SRGAP2C: variants seen among roughly 807,000 people sequenced by gnomAD.
The protein encoded by SRGAP2C is SLIT-ROBO Rho GTPase activating protein 2C.
SRGAP2C carries 15 observed loss-of-function variants against 25.1 expected under a neutral mutation model. That is an observed-to-expected ratio of 0.60 (90% CI 0.40 to 0.92). SRGAP2C has a LOEUF of 0.92. Ranked by LOEUF, SRGAP2C falls within the 40% of genes least tolerant of loss-of-function variation. SRGAP2C has a pLI of 0.00. For synonymous variants in SRGAP2C, 44 were observed against 96.6 expected (o/e 0.46, Z 3.19); for missense variants, 144 against 264.4 (o/e 0.54, Z 3.16).
intron 4 of SRGAP2C, among the ~76,000 whole-genome samples, chr1:121,328,999 G>A (rs1381007728): frequency 3.7e-5 from 5 of 135,066 alleles, no homozygotes; most frequent in Admixed American, 7.6e-5. Context: ...ATCACCTGAG[G>A]TCAGGAGTTC....
chr1:121,211,446 C>G (rs1380767396), intron 2 of SRGAP2C, among the ~76,000 whole-genome samples: 1 of 145,474 alleles, frequency 6.9e-6, no homozygotes, highest in East Asian at 2.2e-4. Context: ...CACACACACA[C>G]ACACACACAC....
At chr1:121,249,566 ATATATATATATATATTTTTT>A (rs1369438372) in intron 2 of SRGAP2C, among the ~76,000 whole-genome samples, 20 of 33,212 alleles carry the variant, frequency 6.0e-4, no homozygotes, top group African/African-American at 2.5e-3. Context: ...ATATATATAT[ATATATATATATATATTTTTT>A]TTTTTTTTTT....
At chr1:121,218,640 G>A (rs1415573826) in intron 2 of SRGAP2C, among the ~76,000 whole-genome samples, 21 of 149,644 alleles carry the variant, frequency 1.4e-4, no homozygotes, top group African/African-American at 3.6e-4. Context: ...CCAGCTACTC[G>A]GGAGGCTAAG....
intron 4 of SRGAP2C, among the ~76,000 whole-genome samples, chr1:121,335,538 C>T (rs1658496993): frequency 2.1e-5 from 3 of 140,228 alleles, no homozygotes; most frequent in South Asian, 2.4e-4. Flanking sequence ...CATAGCTCAC[C>T]GTACCCTCAG....
chr1:121,383,374 T>G (rs1192458984), intron 8 of SRGAP2C, among the ~76,000 whole-genome samples: 1 of 151,676 alleles, frequency 6.6e-6, no homozygotes, highest in African/African-American at 2.4e-5. Context: ...CCTAGAGGCT[T>G]TAGTGGGGAA....
intron 3 of SRGAP2C, among the ~76,000 whole-genome samples, chr1:121,294,516 C>T (rs1553338089): frequency 2.2e-5 from 3 of 134,238 alleles, no homozygotes; most frequent in Non-Finnish European, 4.8e-5. Flanking sequence ...TGTTGCTGAG[C>T]CTTTGATTGT....
chr1:121,335,263 C>T (rs1273532555), intron 4 of SRGAP2C, among the ~76,000 whole-genome samples: 2 of 149,052 alleles, frequency 1.3e-5, no homozygotes, highest in East Asian at 2.0e-4. Context: ...ATCACTTGAA[C>T]CCGGAAGGTG....
At chr1:121,300,147 C>G (rs1434549804) in intron 3 of SRGAP2C, among the ~76,000 whole-genome samples, 19 of 138,066 alleles carry the variant, frequency 1.4e-4, no homozygotes, top group Non-Finnish European at 6.2e-5. Context: ...CATGTGCATA[C>G]AAATACACAG....
chr1:121,314,647 C>G (rs1553340386), intron 3 of SRGAP2C, among the ~76,000 whole-genome samples: 2 of 149,894 alleles, frequency 1.3e-5, no homozygotes, highest in African/African-American at 4.9e-5. Flanking sequence ...TTCTAACAGA[C>G]AGGACCCTCA....
At chr1:121,315,415 G>A (rs1658074789) in intron 3 of SRGAP2C, among the ~76,000 whole-genome samples, 1 of 146,504 alleles carries the variant, frequency 6.8e-6, no homozygotes, top group South Asian at 2.2e-4. Context: ...CCTAGACTCT[G>A]GGTCTTAAGC....
rs1164306936 is a variant in SRGAP2C at position 121,294,690 on chromosome 1, C to CT, written c.260+9705dup. On this transcript the variant is annotated intron_variant, in intron 3 of 9. Coordinates refer to ENST00000367123, the MANE Select transcript of SRGAP2C (RefSeq NM_001329984.2). The stretch of plus-strand genomic sequence containing the variant: ...TTTAATAGCTCATTTTTTTAGGTAG[C>CT]TTTTTTTTTTCTGTTGAGTTTTTAG... Among the ~76,000 whole-genome samples the CT allele has an allele frequency of 3.0e-4, 35 of 115,912 alleles. 1 individual carries two copies. The highest frequency in any genetic ancestry group is 7.2e-4 in the Admixed American group (8 of 11,058). 76.0% of individuals were successfully genotyped at this position (115,912 alleles called of 152,430 possible). A position where few individuals can be genotyped will look rare whatever the true frequency, so the allele number is the denominator to read the frequency against.
intron 7 of SRGAP2C, among the ~76,000 whole-genome samples, chr1:121,375,176 T>C (rs1659610156): frequency 6.7e-6 from 1 of 149,852 alleles, no homozygotes; most frequent in Non-Finnish European, 1.5e-5. Context: ...TTATCTATAT[T>C]TTTACAGATT....
intron 2 of SRGAP2C, among the ~76,000 whole-genome samples, chr1:121,226,303 A>G: frequency 7.1e-6 from 1 of 141,314 alleles, no homozygotes; most frequent in South Asian, 2.3e-4. Context: ...GCCTCATTTC[A>G]CCACCTCTCC....
chr1:121,258,465 C>CTT (rs1205329141), intron 2 of SRGAP2C, among the ~76,000 whole-genome samples: 32 of 125,698 alleles, frequency 2.5e-4, no homozygotes, highest in African/African-American at 1.2e-3. Flanking sequence ...ATCTATCACT[C>CTT]TTTTTTTTTT....
intron 4 of SRGAP2C, among the ~76,000 whole-genome samples, chr1:121,335,460 ATTT>A (rs1162681731): frequency 5.3e-5 from 5 of 95,068 alleles, no homozygotes; most frequent in South Asian, 6.3e-4. Flanking sequence ...TTTATTTCAG[ATTT>A]TTTTTTTTTT....
intron 2 of SRGAP2C, among the ~76,000 whole-genome samples, chr1:121,191,805 G>T (rs1654686819): frequency 6.7e-6 from 1 of 148,596 alleles, no homozygotes; most frequent in Admixed American, 6.7e-5. Flanking sequence ...GACAGTTCAT[G>T]CAAATATTCC....
chr1:121,362,386 G>A (rs1659215501), intron 4 of SRGAP2C, among the ~76,000 whole-genome samples: 2 of 151,634 alleles, frequency 1.3e-5, no homozygotes, highest in Admixed American at 6.6e-5. Context: ...CACTTCAGCA[G>A]CCTGTTCAAA....
intron 4 of SRGAP2C, among the ~76,000 whole-genome samples, chr1:121,350,077 A>G (rs1658864389): frequency 6.7e-6 from 1 of 148,902 alleles, no homozygotes; most frequent in Non-Finnish European, 1.5e-5. Context: ...AAAGCTGAGC[A>G]GAGTGTTTAA....
chr1:121,217,248 G>A (rs1303047071), intron 2 of SRGAP2C, among the ~76,000 whole-genome samples: 7 of 151,032 alleles, frequency 4.6e-5, no homozygotes, highest in African/African-American at 1.7e-4. Context: ...CATCAGTTTT[G>A]GGGTCTGCCT....
Sources: gnomAD v4.1 joint callset for allele counts (sites outside exome capture counted in the v4.1 genomes callset) on GRCh38, gnomAD v4.1.1 for gene constraint, MANE v1.5 for transcripts, NCBI Gene and HGNC (gene_info 2026-07-23, HGNC 2026-07-21) for gene names.